The following ZDHHC17 variants were observed in gnomAD, a reference collection of about 807,000 sequenced individuals.
The protein encoded by ZDHHC17 is zDHHC palmitoyltransferase 17.
A neutral mutation model predicts 90.3 loss-of-function variants in ZDHHC17; 40 were observed. The observed-to-expected ratio is 0.44, with a 90% CI of 0.34 to 0.58. ZDHHC17 has a LOEUF of 0.58. Among genes scored for constraint, ZDHHC17 ranks in the 20% least tolerant of loss-of-function variants. The pLI, the probability that ZDHHC17 is intolerant of heterozygous loss-of-function variation, is 0.01. For synonymous variants in ZDHHC17, 235 were observed against 252.4 expected (o/e 0.93, Z 0.65); for missense variants, 614 against 780.8 (o/e 0.79, Z 2.55).
At chr12:76,780,142 C>T (rs1342625409) in intron 1 of ZDHHC17, among the ~76,000 whole-genome samples, 1 of 152,046 alleles carries the variant, frequency 6.6e-6, no homozygotes, top group African/African-American at 2.4e-5. Context: ...TCTTTTACTT[C>T]CTATGTAAAT....
At chr12:76,786,125 T>C (rs559006923) in intron 1 of ZDHHC17, among the ~76,000 whole-genome samples, 18 of 149,240 alleles carry the variant, frequency 1.2e-4, no homozygotes, top group African/African-American at 4.2e-4. Context: ...TTTCTTTCTT[T>C]TTTTTTTTTT....
chr12:76,772,542 T>C (rs1461751312), intron 1 of ZDHHC17, among the ~76,000 whole-genome samples: 1 of 150,636 alleles, frequency 6.6e-6, no homozygotes, highest in East Asian at 2.0e-4. Flanking sequence ...CTTGTTTTTT[T>C]TTTTTTTTTT....
At chr12:76,776,037 T>C (rs1952555185) in intron 1 of ZDHHC17, among the ~76,000 whole-genome samples, 1 of 152,022 alleles carries the variant, frequency 6.6e-6, no homozygotes, top group South Asian at 2.1e-4. Context: ...AAATTCCCAT[T>C]AAACTTTTTT....
intron 1 of ZDHHC17, 51 bp downstream of exon 1, chr12:76,764,380 C>T (rs1952403958): frequency 2.0e-6 from 3 of 1,506,106 alleles, no homozygotes; most frequent in South Asian, 2.4e-5. Flanking sequence ...TCCAGCCTTT[C>T]TTCCCCGGAC....
intron 14 of ZDHHC17, among the ~76,000 whole-genome samples, chr12:76,847,398 GA>G (rs1953507250): frequency 6.6e-6 from 1 of 152,198 alleles, no homozygotes; most frequent in Non-Finnish European, 1.5e-5. Context: ...TTGCCCTAAT[GA>G]ACCAAAGGAG....
intron 1 of ZDHHC17, among the ~76,000 whole-genome samples, chr12:76,790,256 C>T (rs909618639): frequency 6.6e-6 from 1 of 152,140 alleles, no homozygotes; most frequent in Admixed American, 6.5e-5. Context: ...AATCCCATCA[C>T]TTTGGGAGGC....
rs748302122 is a variant in ZDHHC17 at position 76,764,333 on chromosome 12, AG to A, written c.93+6del. 3 of 1,592,660 alleles carry A rather than the reference AG, an allele frequency of 1.9e-6. No individual in the cohort carries two copies. In the South Asian group the frequency reaches 3.4e-5, roughly 18 times the overall value. On this transcript the variant is annotated splice_donor_5th_base_variant and intron_variant, in intron 1 of 16. Transcript: ENST00000426126. Reference sequence around the variant, plus strand: ...TGTGCCCCTTCTCCACCCAGAGGTGAGGAACCGTGCTGAGTGGATTCCTTGC... The same window carrying A: ...TGTGCCCCTTCTCCACCCAGAGGTGAGAACCGTGCTGAGTGGATTCCTTGC...
Position 76,792,983 on chromosome 12 carries a change from A to G in ZDHHC17, c.94-4451A>G, listed in dbSNP as rs138140280. ...CCTCTAACTTGGGACCTTTTACTGG[A>G]TCATGATCAAATAAGGCAAATGCCT... On this transcript the variant is annotated intron_variant, in intron 1 of 16. Transcript: ENST00000426126. 2.1e-3 allele frequency among the ~76,000 whole-genome samples: 314 copies of G among 152,306 alleles called. 1 individual carries two copies. The highest frequency in any genetic ancestry group is 7.3e-3 in the African/African-American group (304 of 41,562).
chr12:76,851,042 C>T lies in ZDHHC17; in HGVS notation c.*57C>T, dbSNP rs925334155. 30 of 1,605,640 alleles carry T rather than the reference C, an allele frequency of 1.9e-5. No individual in the cohort carries two copies. Among genetic ancestry groups the T allele is most frequent in the African/African-American group, 2.7e-5 (2 of 74,772 alleles). ...GTGGTGCCTGAAAATTGTGTCTGTC[C>T]GTGTCTTTCTCACACTCGAATCCAC... On this transcript the variant is annotated 3_prime_UTR_variant, in exon 17 of 17. Coordinates refer to ENST00000426126, the MANE Select transcript of ZDHHC17 (RefSeq NM_015336.4).
chr12:76,806,654 C>T (rs572254932), intron 3 of ZDHHC17, among the ~76,000 whole-genome samples: 55 of 152,240 alleles, frequency 3.6e-4, no homozygotes, highest in East Asian at 3.9e-4. Flanking sequence ...GGATTACAGG[C>T]GTGAGCCACT....
At chr12:76,837,687 T>G (rs909193000) in intron 10 of ZDHHC17, among the ~76,000 whole-genome samples, 2 of 152,234 alleles carry the variant, frequency 1.3e-5, no homozygotes, top group African/African-American at 2.4e-5. Flanking sequence ...AGGTTTTCTT[T>G]TATCTGAAAT....
At chr12:76,846,439 T>C (rs547937789) in intron 13 of ZDHHC17, 157 bp from the exon 14 acceptor site, 22 of 576,802 alleles carry the variant, frequency 3.8e-5, no homozygotes, top group Admixed American at 2.9e-4. Flanking sequence ...AAGATTTTTA[T>C]TAAAACATTT....
intron 1 of ZDHHC17, among the ~76,000 whole-genome samples, chr12:76,775,244 G>A (rs1320223565): frequency 6.6e-6 from 1 of 152,164 alleles, no homozygotes; most frequent in Non-Finnish European, 1.5e-5. Context: ...ATAACTTCCA[G>A]TAAGATCAAG....
intron 1 of ZDHHC17, among the ~76,000 whole-genome samples, chr12:76,788,089 A>T (rs1952712747): frequency 6.6e-6 from 1 of 152,150 alleles, no homozygotes; most frequent in Non-Finnish European, 1.5e-5. Context: ...CTGTCCCTTA[A>T]AAAAATGTTA....
chr12:76,798,245 C>G (rs1448573332), intron 2 of ZDHHC17, among the ~76,000 whole-genome samples: 2 of 152,096 alleles, frequency 1.3e-5, no homozygotes, highest in Non-Finnish European at 2.9e-5. Flanking sequence ...AGGGAAATAT[C>G]ACAGTTTTCT....
At chr12:76,822,588 CTT>C (rs1326357056) in intron 8 of ZDHHC17, 57 bp downstream of exon 8, 1 of 1,377,182 alleles carries the variant, frequency 7.3e-7, no homozygotes, top group African/African-American at 1.6e-5. Context: ...GAGTTTCGCT[CTT>C]GTTGCCCAGG....
intron 10 of ZDHHC17, among the ~76,000 whole-genome samples, chr12:76,835,849 A>G (rs1263994327): frequency 6.6e-6 from 1 of 152,072 alleles, no homozygotes; most frequent in Non-Finnish European, 1.5e-5. Flanking sequence ...TTAAAGGGCT[A>G]GTATTTTACC....
intron 3 of ZDHHC17, among the ~76,000 whole-genome samples, chr12:76,806,836 A>ATT (rs1952960128): frequency 1.3e-5 from 2 of 152,384 alleles, no homozygotes; most frequent in African/African-American, 4.8e-5. Context: ...AATGAACTAA[A>ATT]TGAACTACTT....
At chr12:76,811,486 C>G (rs546349019) in intron 5 of ZDHHC17, among the ~76,000 whole-genome samples, 151 of 151,762 alleles carry the variant, frequency 9.9e-4, no homozygotes, top group Non-Finnish European at 1.1e-3. Flanking sequence ...TTTCATTAAT[C>G]TTTTTAACCT....
Sources: gnomAD v4.1 joint callset for allele counts (sites outside exome capture counted in the v4.1 genomes callset) on GRCh38, gnomAD v4.1.1 for gene constraint, MANE v1.5 for transcripts, NCBI Gene and HGNC (gene_info 2026-07-23, HGNC 2026-07-21) for gene names.